PDE9A: variants seen among roughly 807,000 people sequenced by gnomAD.
PDE9A encodes high affinity cGMP-specific 3',5'-cyclic phosphodiesterase 9A.
A neutral mutation model predicts 87.4 loss-of-function variants in PDE9A; 60 were observed. The observed-to-expected ratio is 0.69, with a 90% CI of 0.56 to 0.85. PDE9A has a LOEUF of 0.85. Ranked by LOEUF, PDE9A falls within the 40% of genes least tolerant of loss-of-function variation. The pLI is 0.00. For missense variants in PDE9A, 665 were observed against 779.0 expected, an observed-to-expected ratio of 0.85 and a Z score of 1.74; for synonymous variants, 272 against 279.4, an observed-to-expected ratio of 0.97 and a Z score of 0.27.
intron 4 of PDE9A, among the ~76,000 whole-genome samples, chr21:42,731,146 C>T (rs140079220): frequency 0.057 from 8,613 of 152,162 alleles, 762 homozygotes; most frequent in African/African-American, 0.19. Flanking sequence ...TTAGTAGAGA[C>T]GGGGTTTCTC....
chr21:42,722,610 A>G lies in PDE9A; in HGVS notation c.263-9160A>G, dbSNP rs190398366. Among the ~76,000 whole-genome samples, 1 of 152,310 alleles carries G rather than the reference A, an allele frequency of 6.6e-6. No homozygotes were observed. Among genetic ancestry groups the G allele is most frequent in the East Asian group, 1.9e-4 (1 of 5,184 alleles). ...CCCTCAATGCATGGGTCTAGGGGCC[A>G]GCATGTTCTATTGCTAGGGCCATGT... On this transcript the variant is annotated intron_variant, in intron 4 of 19. Transcript: ENST00000291539. This position sits in a 1 kb window ranked among gnomAD's most constrained non-coding sequence, Gnocchi z 4.1.
At chr21:42,711,351 A>G (rs1488398005) in intron 4 of PDE9A, among the ~76,000 whole-genome samples, 1 of 151,838 alleles carries the variant, frequency 6.6e-6, no homozygotes, top group Non-Finnish European at 1.5e-5. Flanking sequence ...CCCGGGTTCA[A>G]GTGATTCTCC....
rs553149404 is a variant in PDE9A at position 42,759,162 on chromosome 21, C to G, written c.897+77C>G. Reference sequence around the variant, plus strand: ...TTCCACAGGAATGGAGGGAATGGATCACCAGGGCACCTTCCGGATGGCACT... The same window carrying G: ...TTCCACAGGAATGGAGGGAATGGATGACCAGGGCACCTTCCGGATGGCACT... On this transcript the variant is annotated intron_variant, in intron 11 of 19. Transcript: ENST00000291539. The surrounding 1 kb of genome is among the most constrained non-coding windows in gnomAD (Gnocchi z 7.2). 9 of 1,038,114 alleles carry G rather than the reference C, an allele frequency of 8.7e-6. No individual in the cohort carries two copies. The African/African-American group carries it at 9.4e-5, about 11-fold the overall frequency. The allele number at this position is 1,038,114 out of a possible 1,614,324, so 64.3% of individuals were successfully genotyped here.
rs2269168 is a variant in PDE9A, at chr21:42,762,025, C to T, written c.1086-58C>T. 127 of 1,540,934 alleles carry T rather than the reference C, an allele frequency of 8.2e-5. 1 individual carries two copies. In the East Asian group the frequency reaches 1.0e-3, roughly 12 times the overall value. ...CTTACATGGCTGGGTGTTGCTCCCC[C>T]GTGCAGGTACCTGGTGAGGGCGCCT... On this transcript the variant is annotated intron_variant, in intron 13 of 19. Transcript: ENST00000291539.
chr21:42,743,846 G>A lies in PDE9A; in HGVS notation c.639G>A (p.Ala213=), dbSNP rs1374141567. ...SDIKKMREEL[A]ARSSRTNCPC... ...TTAAGAAGATGAGGGAGGAGCTGGC[G>A]GCCAGAAGCAGCAGGTAGGGTCTGC... Residue 213 remains alanine, a synonymous_variant, in exon 8 of 20, where the codon GCG becomes GCA. Transcript: ENST00000291539. The A allele has an allele frequency of 7.6e-6, 12 of 1,578,726 alleles. No individual in the cohort carries two copies. The highest frequency in any genetic ancestry group is 2.3e-5 in the East Asian group (1 of 42,838).
rs2056817917 is a variant in PDE9A at position 42,653,734 on chromosome 21, CTG to C, written c.-80_-79del. The C allele has an allele frequency of 4.7e-4, 304 of 645,976 alleles. No individual in the cohort carries two copies. Among genetic ancestry groups the C allele is most frequent in the East Asian group, 3.2e-3 (62 of 19,206 alleles). 40.0% of individuals were successfully genotyped at this position (645,976 alleles called of 1,614,324 possible). ...GGCCGCCCCCCGCCCGCCCCCTCCC[CTG>C]CTCCCCTCCCCCGCCTCCCGCGGCG... On this transcript the variant is annotated 5_prime_UTR_variant, in exon 1 of 20. Coordinates refer to ENST00000291539, the MANE Select transcript of PDE9A (RefSeq NM_002606.3).
rs1272444401 is a variant in PDE9A, at chr21:42,759,752, G to A, written c.898-576G>A. ...TGTGTGCATGTGTGTATCTGTGGAT[G>A]TGAGGTGTGTGTGCATGTGTGTATC... On this transcript the variant is annotated intron_variant, in intron 11 of 19. Transcript: ENST00000291539. The surrounding 1 kb of genome is among the most constrained non-coding windows in gnomAD (Gnocchi z 7.2). 6.7e-6 allele frequency among the ~76,000 whole-genome samples: 1 copy of A among 150,144 alleles called. No individual in the cohort carries two copies. Among genetic ancestry groups the A allele is most frequent in the African/African-American group, 2.5e-5 (1 of 40,658 alleles).
chr21:42,663,009 C>CCACA (rs751256674), intron 1 of PDE9A, among the ~76,000 whole-genome samples: 3 of 148,240 alleles, frequency 2.0e-5, no homozygotes, highest in African/African-American at 5.0e-5. Context: ...CACACGCACA[C>CCACA]CACACACACG....
At chr21:42,753,723 G>T (rs944469791) in intron 9 of PDE9A, among the ~76,000 whole-genome samples, 4 of 152,082 alleles carry the variant, frequency 2.6e-5, no homozygotes, top group African/African-American at 9.7e-5. Context: ...AATTAGCCAG[G>T]CATGGTGGCG....
At chr21:42,736,818 C>G (rs2052503247) in intron 7 of PDE9A, among the ~76,000 whole-genome samples, 1 of 152,216 alleles carries the variant, frequency 6.6e-6, no homozygotes, top group Non-Finnish European at 1.5e-5. Context: ...CTGTCCTCCT[C>G]CTGAACTCCA....
Position 42,696,578 on chromosome 21 carries a change from G to A in PDE9A, c.219-2390G>A, listed in dbSNP as rs151307507. Among the ~76,000 whole-genome samples, 3 of 152,224 alleles carry A rather than the reference G, an allele frequency of 2.0e-5. No individual in the cohort carries two copies. The highest frequency in any genetic ancestry group is 1.9e-4 in the East Asian group (1 of 5,172). ...CAGGGCTGCTCTCATGGTGGGAGCCGGAGAGACACTGAGAAGAGGAAGGAA... is the reference window on the plus strand; with the variant it reads ...CAGGGCTGCTCTCATGGTGGGAGCCAGAGAGACACTGAGAAGAGGAAGGAA... On this transcript the variant is annotated intron_variant, in intron 3 of 19. Transcript: ENST00000291539. The surrounding 1 kb of genome is among the most constrained non-coding windows in gnomAD (Gnocchi z 5.1).
intron 1 of PDE9A, among the ~76,000 whole-genome samples, chr21:42,678,347 G>C (rs2058967157): frequency 6.6e-6 from 1 of 152,354 alleles, no homozygotes; most frequent in Non-Finnish European, 1.5e-5. Context: ...GAAATGGCAA[G>C]GGTAAATGGG....
At chr21:42,681,551 G>A (rs961350624) in intron 1 of PDE9A, among the ~76,000 whole-genome samples, 16 of 152,130 alleles carry the variant, frequency 1.1e-4, no homozygotes, top group African/African-American at 3.9e-4. Context: ...CAGCTTGAGG[G>A]CTCCCAGACA....
At chr21:42,711,595 T>TA (rs1332304514) in intron 4 of PDE9A, among the ~76,000 whole-genome samples, 1 of 152,164 alleles carries the variant, frequency 6.6e-6, no homozygotes, top group Non-Finnish European at 1.5e-5. Flanking sequence ...TAATTTTTTT[T>TA]ATCCCAAGGT....
At chr21:42,771,585 G>A (rs879708679) in intron 18 of PDE9A, among the ~76,000 whole-genome samples, 3 of 152,206 alleles carry the variant, frequency 2.0e-5, no homozygotes, top group Non-Finnish European at 4.4e-5. Flanking sequence ...TCCAAGGCCC[G>A]TCAGTCAGGG....
At chr21:42,670,244 TACAC>T (rs1403427653) in intron 1 of PDE9A, among the ~76,000 whole-genome samples, 9 of 147,040 alleles carry the variant, frequency 6.1e-5, no homozygotes, top group South Asian at 2.2e-4. Context: ...TTCACACTCA[TACAC>T]ATACATACAT....
intron 4 of PDE9A, among the ~76,000 whole-genome samples, chr21:42,712,309 T>C (rs2049423829): frequency 6.6e-6 from 1 of 152,234 alleles, no homozygotes; most frequent in African/African-American, 2.4e-5. Flanking sequence ...TAAGATTTCA[T>C]TAATTTTCCA....
At chr21:42,687,830 C>A in intron 2 of PDE9A, 87 bp from the exon 3 acceptor site, 1 of 1,179,994 alleles carries the variant, frequency 8.5e-7, no homozygotes, top group Non-Finnish European at 1.3e-6. Flanking sequence ...TCCTGGTTGT[C>A]TCAGGGCTCT....
In PDE9A at chr21:42,696,189, GC is replaced by G. The variant is rs757945782; in HGVS notation, c.219-2777del. On this transcript the variant is annotated intron_variant, in intron 3 of 19. Transcript: ENST00000291539. The surrounding 1 kb of genome is among the most constrained non-coding windows in gnomAD (Gnocchi z 5.1). ...GTATGAGGGGAAGTTGTCTTGGTAA[GC>G]CTGTTTTTGTGTCAGGTCCCCAGGA... Among the ~76,000 whole-genome samples the G allele has an allele frequency of 3.9e-5, 6 of 152,182 alleles. No individual in the cohort carries two copies. Among genetic ancestry groups the G allele is most frequent in the Non-Finnish European group, 8.8e-5 (6 of 68,046 alleles).
Sources: allele counts gnomAD v4.1 joint callset (sites outside exome capture counted in the v4.1 genomes callset), GRCh38; gene constraint gnomAD v4.1.1; non-coding constraint Gnocchi (gnomAD v3.1); transcripts MANE v1.5; gene names NCBI Gene and HGNC (gene_info 2026-07-23, HGNC 2026-07-21).